Variants in ZNF836 observed in about 807,000 individuals in gnomAD.
ZNF836 encodes the protein zinc finger protein 836.
In ZNF836, 12 loss-of-function variants were observed where a neutral mutation model predicts 7.4. The observed-to-expected ratio is 1.61, with a 90% CI of 1.03 to 2.61. ZNF836 has a LOEUF of 2.61. Ranked by LOEUF, ZNF836 falls within the 30% of genes most tolerant of loss-of-function variation. The probability of loss-of-function intolerance (pLI) is 0.00; values close to 1 mark genes in which losing one functional copy is unlikely to be tolerated. For synonymous variants in ZNF836, 365 were observed against 382.6 expected, an observed-to-expected ratio of 0.95 and a Z score of 0.54; for missense variants, 998 against 1,126.2, an observed-to-expected ratio of 0.89 and a Z score of 1.63.
At chr19:52,165,042 A>G (rs1300189875) in intron 3 of ZNF836, 1 of 152,264 alleles carries the variant, frequency 6.6e-6, no homozygotes, top group African/African-American at 2.4e-5. Flanking sequence ...GTTGGCCCAG[A>G]TCATGCCACT....
In ZNF836 at chr19:52,157,450, T is replaced by C. The variant is rs761926020; in HGVS notation, c.233A>G (p.His78Arg). The change falls in exon 5 of 5, where the codon CAT becomes CGT. Residue 78 changes from histidine to arginine, a missense_variant. Physicochemically the swap from His to Arg is conservative, Grantham distance 29 (BLOSUM62 0). Coordinates refer to ENST00000682614, the MANE Select transcript of ZNF836 (RefSeq NM_001102657.3). ...AAAATTTTCAACATCATAACATTCATGTCTTTCCAGCGTCACTGTTTGGCA... is the reference window on the plus strand; with the variant it reads ...AAAATTTTCAACATCATAACATTCACGTCTTTCCAGCGTCACTGTTTGGCA... The part of the protein sequence containing the change: ...EKCQTVTLER[H>R]ECYDVENFYL... 1.2e-6 allele frequency: 2 copies of C among 1,604,356 alleles called. No individual in the cohort carries two copies. The highest frequency in any genetic ancestry group is 1.7e-6 in the Non-Finnish European group (2 of 1,177,402).
At position 52,154,820 on chromosome 19, in the gene ZNF836, T is replaced by G. The variant is rs961250165; in HGVS notation, c.*52A>C. On this transcript the variant is annotated 3_prime_UTR_variant, in exon 5 of 5. Transcript: ENST00000682614. Reference sequence around the variant, plus strand: ...CAATAAAGGGGATTAAAATTCCACATGAGATTTCAGACGGAAGTGACAAAT... The same window carrying G: ...CAATAAAGGGGATTAAAATTCCACAGGAGATTTCAGACGGAAGTGACAAAT... 2.6e-4 allele frequency: 371 copies of G among 1,411,210 alleles called. No homozygotes were observed. The highest frequency in any genetic ancestry group is 3.1e-4 in the Non-Finnish European group (334 of 1,065,326). 87.4% of individuals were successfully genotyped at this position (1,411,210 alleles called of 1,614,324 possible).
In ZNF836 at chr19:52,154,725, C is replaced by T. The variant is rs527438852; in HGVS notation, c.*147G>A. 1.5e-4 allele frequency: 96 copies of T among 640,552 alleles called. 1 individual carries two copies. The African/African-American group carries it at 1.6e-3, about 11-fold the overall frequency. 39.7% of individuals were successfully genotyped at this position (640,552 alleles called of 1,614,324 possible). On this transcript the variant is annotated 3_prime_UTR_variant, in exon 5 of 5. Coordinates refer to ENST00000682614, the MANE Select transcript of ZNF836 (RefSeq NM_001102657.3). ...TCACTATCCCAAGAAGAGCAAAAAG[C>T]GGGTGGTGCTAAACCATTCTTGAGA...
intron 4 of ZNF836, 62 bp from the exon 5 acceptor site, chr19:52,157,602 G>C: frequency 7.1e-7 from 1 of 1,400,040 alleles, no homozygotes; most frequent in Non-Finnish European, 9.3e-7. Context: ...ACAGAGTCTT[G>C]CTCTGTTGCC....
Position 52,156,403 on chromosome 19 carries a change from G to A in ZNF836, c.1280C>T (p.Ser427Phe), listed in dbSNP as rs1427190207. Residue 427 changes from serine (S) to phenylalanine (F), a missense_variant, in exon 5 of 5, where the codon TCC (serine) becomes TTC (phenylalanine). Coordinates refer to ENST00000682614, the MANE Select transcript of ZNF836 (RefSeq NM_001102657.3). ...DECGKTFKRS[S>F]SLTTHQIIHT... is the part of the protein sequence containing the mutation. ...GATTATCTGATGTGTAGTGAGGCTG[G>A]AGCTCCGTTTAAAGGTTTTGCCACA... is the stretch of plus-strand genomic sequence containing the variant. 3.7e-6 allele frequency: 6 copies of A among 1,614,166 alleles called. No homozygotes were observed. Among genetic ancestry groups the A allele is most frequent in the Non-Finnish European group, 5.1e-6 (6 of 1,180,026 alleles).
intron 3 of ZNF836, chr19:52,165,411 A>G (rs975772608): frequency 5.9e-5 from 9 of 152,214 alleles, no homozygotes; most frequent in African/African-American, 2.2e-4. Context: ...TGCAAAACAA[A>G]CTATTAGTGT....
In ZNF836 at chr19:52,157,018, C is replaced by A; in HGVS notation, c.665G>T (p.Gly222Val). The change falls in exon 5 of 5, where the codon GGG (glycine) becomes GTG (valine). Residue 222 changes from glycine to valine, a missense_variant. Transcript: ENST00000682614. ...AGACACTCTAAAGGCTTTGCCACACCCTTTACACATATAAGGTTTTTCCCT... is the reference window on the plus strand; with the variant it reads ...AGACACTCTAAAGGCTTTGCCACACACTTTACACATATAAGGTTTTTCCCT... Reference protein sequence around the residue: ...HIREKPYMCKGCGKAFRVSSS... With the variant: ...HIREKPYMCKVCGKAFRVSSS... 1 of 1,614,082 alleles carries A rather than the reference C, an allele frequency of 6.2e-7. No homozygotes were observed. The highest frequency in any genetic ancestry group is 2.2e-5 in the East Asian group (1 of 44,868).
At chr19:52,158,319 T>A (rs12611172) in intron 4 of ZNF836, among the ~76,000 whole-genome samples, 57,535 of 151,940 alleles carry the variant, frequency 0.38, 12,211 homozygotes, top group East Asian at 0.57. Flanking sequence ...CTAATTAATG[T>A]TCTATATAAA....
At position 52,161,268 on chromosome 19, in the gene ZNF836, T is replaced by C. The variant is rs1306511220; in HGVS notation, c.16-677A>G. 6.6e-6 allele frequency among the ~76,000 whole-genome samples: 1 copy of C among 152,186 alleles called. No individual in the cohort carries two copies. Among genetic ancestry groups the C allele is most frequent in the Non-Finnish European group, 1.5e-5 (1 of 68,038 alleles). ...AAATTATGGTTACGGTATGTCTTAG[T>C]CTCTCTGTGCTGCTGTACCAAGTAA... On this transcript the variant is annotated intron_variant, in intron 3 of 4. Transcript: ENST00000682614. This position sits in a 1 kb window ranked among gnomAD's most constrained non-coding sequence, Gnocchi z 4.1.
At chr19:52,170,570 T>C (rs1176043094) in intron 1 of ZNF836, among the ~76,000 whole-genome samples, 1 of 151,962 alleles carries the variant, frequency 6.6e-6, no homozygotes, top group Non-Finnish European at 1.5e-5. Context: ...GCCGCCCCAC[T>C]CTATTTTGCT....
chr19:52,162,132 T>A (rs28887871), intron 3 of ZNF836, among the ~76,000 whole-genome samples: 4 of 152,138 alleles, frequency 2.6e-5, no homozygotes, highest in African/African-American at 9.7e-5. Context: ...GTGGTTTTGT[T>A]GGGATCACCC....
chr19:52,168,298 G>A, intron 2 of ZNF836, 146 bp from the exon 3 acceptor site: 1 of 542,858 alleles, frequency 1.8e-6, no homozygotes, highest in Non-Finnish European at 3.2e-6. Context: ...CCTAAACAAA[G>A]ACCAAGTGTC....
chr19:52,163,261 C>G (rs2122220932), intron 3 of ZNF836, among the ~76,000 whole-genome samples: 1 of 152,316 alleles, frequency 6.6e-6, no homozygotes, highest in Non-Finnish European at 1.5e-5. Flanking sequence ...CTTGGCTACA[C>G]CCCTCTTGGT....
intron 3 of ZNF836, among the ~76,000 whole-genome samples, chr19:52,167,456 G>GA (rs2089275079): frequency 2.3e-5 from 1 of 43,798 alleles, no homozygotes; most frequent in Admixed American, 3.8e-4. Flanking sequence ...TGGGCAACAA[G>GA]AACGAAACTC....
intron 3 of ZNF836, among the ~76,000 whole-genome samples, chr19:52,166,720 C>A (rs2089267738): frequency 1.3e-5 from 2 of 151,580 alleles, no homozygotes; most frequent in Non-Finnish European, 2.9e-5. Context: ...ACTACAGGCC[C>A]CCGCCACCAC....
chr19:52,168,772 C>T (rs899856507), intron 2 of ZNF836, among the ~76,000 whole-genome samples: 10 of 152,030 alleles, frequency 6.6e-5, no homozygotes, highest in African/African-American at 2.4e-4. Context: ...ACCATGCAAT[C>T]TCCGCCTCCC....
intron 4 of ZNF836, among the ~76,000 whole-genome samples, chr19:52,158,577 T>C (rs1235348335): frequency 6.6e-6 from 1 of 151,990 alleles, no homozygotes; most frequent in African/African-American, 2.4e-5. Context: ...ACCCCGTCTC[T>C]ACTAAAAATA....
At position 52,161,963 on chromosome 19, in the gene ZNF836, A is replaced by G. The variant is rs1473379086; in HGVS notation, c.16-1372T>C. Among the ~76,000 whole-genome samples the G allele has an allele frequency of 6.6e-6, 1 of 152,216 alleles. No individual in the cohort carries two copies. Among genetic ancestry groups the G allele is most frequent in the Non-Finnish European group, 1.5e-5 (1 of 68,030 alleles). ...AATATTTCAATTCCAAAAGGGAGAA[A>G]CAGGAAAGAAGGGGTAGCTGTTCCC... On this transcript the variant is annotated intron_variant, in intron 3 of 4. Transcript: ENST00000682614. The surrounding 1 kb of genome is among the most constrained non-coding windows in gnomAD (Gnocchi z 4.1).
In ZNF836 at chr19:52,164,862, C is replaced by T. The variant is rs575495955; in HGVS notation, c.15+3196G>A. The stretch of plus-strand genomic sequence containing the variant: ...CAGCACTTCTGGAGGCTAAGGCAAG[C>T]GGATGACTTGAGTTCAGGAGTTTGA... On this transcript the variant is annotated intron_variant, in intron 3 of 4. Transcript: ENST00000682614. 3.3e-5 allele frequency among the ~76,000 whole-genome samples: 5 copies of T among 152,264 alleles called. No homozygotes were observed. The East Asian group carries it at 7.7e-4, about 24-fold the overall frequency.
Sources: gnomAD v4.1 joint callset for allele counts (sites outside exome capture counted in the v4.1 genomes callset) on GRCh38, gnomAD v4.1.1 for gene constraint, Gnocchi (gnomAD v3.1) non-coding constraint, MANE v1.5 for transcripts, NCBI Gene and HGNC (gene_info 2026-07-23, HGNC 2026-07-21) for gene names.